The following SUPT3H variants were observed in gnomAD, a reference collection of about 807,000 sequenced individuals.
The protein encoded by SUPT3H is transcription initiation protein SPT3 homolog.
Under a neutral mutation model 44.3 loss-of-function variants are expected in SUPT3H, and 44 were observed. That is an observed-to-expected ratio of 0.99 (90% CI 0.78 to 1.28). SUPT3H has a LOEUF of 1.28. SUPT3H is among the 50% of genes most tolerant of loss of function. The probability of loss-of-function intolerance (pLI) is 0.00; values close to 1 mark genes in which losing one functional copy is unlikely to be tolerated. For synonymous variants in SUPT3H, 124 were observed against 125.6 expected, an observed-to-expected ratio of 0.99 and a Z score of 0.09; for missense variants, 380 against 387.1, an observed-to-expected ratio of 0.98 and a Z score of 0.15.
chr6:45,128,539 T>A (rs1407687091), intron 2 of SUPT3H, among the ~76,000 whole-genome samples: 83 of 45,362 alleles, frequency 1.8e-3, no homozygotes, highest in African/African-American at 3.9e-3. Flanking sequence ...AAAAAATATA[T>A]ATATATATAT....
intron 2 of SUPT3H, among the ~76,000 whole-genome samples, chr6:45,239,103 G>T (rs981183675): frequency 6.6e-6 from 1 of 152,132 alleles, no homozygotes; most frequent in Non-Finnish European, 1.5e-5. Flanking sequence ...TTGAGGTATT[G>T]ACTGCTTTTA....
At chr6:45,242,316 G>A (rs1258571004) in intron 2 of SUPT3H, among the ~76,000 whole-genome samples, 3 of 152,152 alleles carry the variant, frequency 2.0e-5, no homozygotes, top group African/African-American at 7.2e-5. Context: ...AGAGGTAGAG[G>A]CAACTGAAGT....
intron 9 of SUPT3H, among the ~76,000 whole-genome samples, chr6:44,934,197 C>T (rs1365853563): frequency 6.6e-6 from 1 of 152,016 alleles, no homozygotes; most frequent in Admixed American, 6.6e-5. Context: ...AGATAGCAAC[C>T]TCTATGGATA....
chr6:45,052,934 G>C (rs1020381759), intron 3 of SUPT3H, among the ~76,000 whole-genome samples: 8 of 152,106 alleles, frequency 5.3e-5, no homozygotes, highest in Admixed American at 5.2e-4. Context: ...AGAGTGAATA[G>C]AGTGAGAGAG....
intron 3 of SUPT3H, among the ~76,000 whole-genome samples, chr6:45,024,207 T>C (rs1399055892): frequency 6.6e-6 from 1 of 152,202 alleles, no homozygotes; most frequent in Admixed American, 6.5e-5. Flanking sequence ...TTTAAGTATG[T>C]TATAATACTT....
intron 2 of SUPT3H, among the ~76,000 whole-genome samples, chr6:45,292,628 A>T (rs1245289194): frequency 6.6e-6 from 1 of 151,458 alleles, no homozygotes; most frequent in Non-Finnish European, 1.5e-5. Flanking sequence ...CTTAAGGCAG[A>T]GGGGTGGAAA....
At chr6:45,303,154 A>T (rs1782423043) in intron 2 of SUPT3H, among the ~76,000 whole-genome samples, 1 of 152,172 alleles carries the variant, frequency 6.6e-6, no homozygotes, top group African/African-American at 2.4e-5. Flanking sequence ...AAAACCTGAA[A>T]CTATAAAAAT....
intron 11 of SUPT3H, among the ~76,000 whole-genome samples, chr6:44,813,691 G>C (rs1431296698): frequency 6.7e-6 from 1 of 149,864 alleles, no homozygotes; most frequent in Non-Finnish European, 1.5e-5. Context: ...AATGGTGATG[G>C]TATAATTAAA....
intron 6 of SUPT3H, among the ~76,000 whole-genome samples, chr6:44,997,758 G>A (rs1043640754): frequency 2.0e-5 from 3 of 151,884 alleles, no homozygotes; most frequent in African/African-American, 7.2e-5. Flanking sequence ...AAACTATCAT[G>A]ATGTCTGTTC....
intron 6 of SUPT3H, among the ~76,000 whole-genome samples, chr6:44,991,791 A>G (rs1027503221): frequency 2.0e-5 from 3 of 152,202 alleles, no homozygotes; most frequent in African/African-American, 7.2e-5. Context: ...GGGGGAAATT[A>G]TCTATACCAA....
chr6:45,020,682 A>G, intron 3 of SUPT3H, 50 bp from the exon 4 acceptor site: 2 of 1,344,860 alleles, frequency 1.5e-6, no homozygotes, highest in Non-Finnish European at 2.1e-6. Context: ...CAAATTATAT[A>G]TAGTACAGTC....
At chr6:45,375,085 T>C (rs1234407558) in intron 1 of SUPT3H, among the ~76,000 whole-genome samples, 1 of 152,152 alleles carries the variant, frequency 6.6e-6, no homozygotes, top group Non-Finnish European at 1.5e-5. Context: ...CATGTGCCTG[T>C]AATCCCAGCT....
chr6:45,364,643 G>A (rs906613469), intron 2 of SUPT3H, among the ~76,000 whole-genome samples: 1 of 152,140 alleles, frequency 6.6e-6, no homozygotes, highest in African/African-American at 2.4e-5. Context: ...AAGATGAACA[G>A]AGCCTTAAGA....
At chr6:44,991,642 T>C (rs1164948547) in intron 6 of SUPT3H, among the ~76,000 whole-genome samples, 1 of 152,060 alleles carries the variant, frequency 6.6e-6, no homozygotes, top group Non-Finnish European at 1.5e-5. Context: ...AAATTATTAA[T>C]TCTAAATGAG....
At chr6:44,930,951 A>T (rs1465476197) in intron 10 of SUPT3H, among the ~76,000 whole-genome samples, 3 of 152,230 alleles carry the variant, frequency 2.0e-5, no homozygotes, top group Admixed American at 1.3e-4. Flanking sequence ...TAGATTGTAA[A>T]AGTAGTAATA....
chr6:45,105,880 A>G (rs1459718913), intron 3 of SUPT3H, 42 bp downstream of exon 3: 1 of 1,467,508 alleles, frequency 6.8e-7, no homozygotes, highest in East Asian at 2.3e-5. Flanking sequence ...TAATAAAAGA[A>G]TGCAGAGAAG....
intron 2 of SUPT3H, among the ~76,000 whole-genome samples, chr6:45,351,741 C>T (rs1247882444): frequency 6.6e-6 from 1 of 152,150 alleles, no homozygotes; most frequent in Non-Finnish European, 1.5e-5. Flanking sequence ...AGTTAGTGAT[C>T]AGAACCTCCA....
At chr6:44,909,820 T>C (rs1766726401) in intron 10 of SUPT3H, among the ~76,000 whole-genome samples, 3 of 152,254 alleles carry the variant, frequency 2.0e-5, no homozygotes, top group Middle Eastern at 3.4e-3. Context: ...ATTTTCAAAA[T>C]AGGGAATGCT....
In SUPT3H at chr6:44,880,171, G is replaced by T. The variant is rs1351319301; in HGVS notation, c.913-50314C>A. 2.0e-5 allele frequency among the ~76,000 whole-genome samples: 3 copies of T among 151,892 alleles called. No individual in the cohort carries two copies. The East Asian group carries it at 5.8e-4, about 29-fold the overall frequency. Reference sequence around the variant, plus strand: ...TTCCAACCCAAAGCAAGAAAGCTGAGAACCCTGAAAAAAGGTTAGAGGAAT... The same window carrying T: ...TTCCAACCCAAAGCAAGAAAGCTGATAACCCTGAAAAAAGGTTAGAGGAAT... On this transcript the variant is annotated intron_variant, in intron 10 of 10. Coordinates refer to ENST00000371459, the MANE Select transcript of SUPT3H (RefSeq NM_003599.4).
Sources: gnomAD v4.1 joint callset for allele counts (sites outside exome capture counted in the v4.1 genomes callset) on GRCh38, gnomAD v4.1.1 for gene constraint, MANE v1.5 for transcripts, NCBI Gene and HGNC (gene_info 2026-07-23, HGNC 2026-07-21) for gene names.